The following RABL3 variants were observed in gnomAD, a reference collection of about 807,000 sequenced individuals.
RABL3 encodes RAB, member of RAS oncogene family like 3.
RABL3 carries 31 observed loss-of-function variants against 31.8 expected under a neutral mutation model. The observed-to-expected ratio is 0.97, with a 90% CI of 0.73 to 1.31. The LOEUF is 1.31. RABL3 is among the 40% of genes most tolerant of loss of function. RABL3 has a pLI of 0.00. For synonymous variants in RABL3, 97 were observed against 99.9 expected, an observed-to-expected ratio of 0.97 and a Z score of 0.18; for missense variants, 263 against 279.6, an observed-to-expected ratio of 0.94 and a Z score of 0.42.
At position 120,730,089 on chromosome 3, in the gene RABL3, A is replaced by G. The variant is rs1431610580; in HGVS notation, c.138+607T>C. Among the ~76,000 whole-genome samples the G allele has an allele frequency of 2.0e-5, 3 of 152,242 alleles. No individual in the cohort carries two copies. In the East Asian group the frequency reaches 5.8e-4, roughly 29 times the overall value. On this transcript the variant is annotated intron_variant, in intron 2 of 7. Transcript: ENST00000273375. ...ATGTAAATCAGAGCTATGGAACAATAGCTTCAAAGAACAGAAGGAAAATAA... is the reference window on the plus strand; with the variant it reads ...ATGTAAATCAGAGCTATGGAACAATGGCTTCAAAGAACAGAAGGAAAATAA...
intron 6 of RABL3, among the ~76,000 whole-genome samples, chr3:120,692,275 T>C (rs1373157193): frequency 6.6e-6 from 1 of 152,046 alleles, no homozygotes; most frequent in Non-Finnish European, 1.5e-5. Context: ...CTCGGCTCAC[T>C]GCAAGCTCCA....
chr3:120,734,852 A>G (rs1708935664), intron 1 of RABL3, among the ~76,000 whole-genome samples: 1 of 152,132 alleles, frequency 6.6e-6, no homozygotes, highest in Non-Finnish European at 1.5e-5. Context: ...ATATTTATTG[A>G]TTTGCACATG....
At chr3:120,704,023 A>C (rs1708522051) in intron 4 of RABL3, among the ~76,000 whole-genome samples, 1 of 152,214 alleles carries the variant, frequency 6.6e-6, no homozygotes, top group East Asian at 1.9e-4. Context: ...TCCAAAAAAT[A>C]GAAGAGGAAG....
Position 120,726,982 on chromosome 3 carries a change from T to C in RABL3, c.138+3714A>G, listed in dbSNP as rs754504808. On this transcript the variant is annotated intron_variant, in intron 2 of 7. Transcript: ENST00000273375. ...AAAAATTGCAATGGAAACTAGACAATAGTTTGAACTGAATAATAATGAAAA... is the reference window on the plus strand; with the variant it reads ...AAAAATTGCAATGGAAACTAGACAACAGTTTGAACTGAATAATAATGAAAA... 6.1e-4 allele frequency among the ~76,000 whole-genome samples: 92 copies of C among 151,884 alleles called. 1 individual carries two copies. Among genetic ancestry groups the C allele is most frequent in the Non-Finnish European group, 1.1e-3 (77 of 67,942 alleles).
At chr3:120,716,086 C>T (rs1708665130) in intron 2 of RABL3, among the ~76,000 whole-genome samples, 1 of 152,016 alleles carries the variant, frequency 6.6e-6, no homozygotes, top group Non-Finnish European at 1.5e-5. Context: ...TTAGGCTGTC[C>T]AAAGAGGAAT....
At chr3:120,740,110 T>A (rs965403308) in intron 1 of RABL3, among the ~76,000 whole-genome samples, 1 of 152,182 alleles carries the variant, frequency 6.6e-6, no homozygotes, top group Non-Finnish European at 1.5e-5. Context: ...AAATGTCAGC[T>A]CCAAATACAG....
intron 1 of RABL3, among the ~76,000 whole-genome samples, chr3:120,735,317 T>C (rs1246962713): frequency 2.6e-5 from 4 of 152,146 alleles, no homozygotes; most frequent in South Asian, 2.1e-4. Context: ...TCTAGATTTT[T>C]TAGTTTATTT....
chr3:120,712,731 T>C (rs947103006), intron 2 of RABL3, among the ~76,000 whole-genome samples: 1 of 152,224 alleles, frequency 6.6e-6, no homozygotes, highest in Non-Finnish European at 1.5e-5. Flanking sequence ...GAAAATAGCA[T>C]AATATCTAGC....
At chr3:120,709,078 A>G (rs1357847857) in intron 3 of RABL3, among the ~76,000 whole-genome samples, 3 of 152,080 alleles carry the variant, frequency 2.0e-5, no homozygotes, top group African/African-American at 7.2e-5. Context: ...CCTTTGGTAT[A>G]TTAATCAAAC....
chr3:120,715,295 T>C (rs537064649), intron 2 of RABL3, among the ~76,000 whole-genome samples: 30 of 152,304 alleles, frequency 2.0e-4, no homozygotes, highest in African/African-American at 7.0e-4. Context: ...TCCCAGCACA[T>C]TTGGAGTCTG....
intron 1 of RABL3, among the ~76,000 whole-genome samples, chr3:120,736,198 C>T (rs547677318): frequency 6.6e-5 from 10 of 152,220 alleles, no homozygotes; most frequent in African/African-American, 2.4e-4. Flanking sequence ...TGTAGGTCTC[C>T]AAGGACTTGC....
intron 2 of RABL3, among the ~76,000 whole-genome samples, chr3:120,726,755 TTAAA>T (rs548316065): frequency 1.3e-5 from 2 of 150,862 alleles, no homozygotes; most frequent in African/African-American, 2.4e-5. Context: ...AAAAAATAAA[TTAAA>T]TAAATAAATA....
chr3:120,719,980 G>A (rs1238077630), intron 2 of RABL3, among the ~76,000 whole-genome samples: 2 of 152,150 alleles, frequency 1.3e-5, no homozygotes, highest in Non-Finnish European at 2.9e-5. Flanking sequence ...ACTCCTCTGA[G>A]ACAAAACTTC....
At chr3:120,693,042 A>C (rs1316778742) in intron 6 of RABL3, among the ~76,000 whole-genome samples, 1 of 152,188 alleles carries the variant, frequency 6.6e-6, no homozygotes, top group African/African-American at 2.4e-5. Flanking sequence ...CACACGTAGA[A>C]AATGCTAATA....
chr3:120,717,758 C>T (rs1024636384), intron 2 of RABL3, among the ~76,000 whole-genome samples: 15 of 152,180 alleles, frequency 9.9e-5, no homozygotes, highest in East Asian at 3.9e-4. Context: ...CGTGACCCAC[C>T]GCACCCAGTC....
At position 120,694,147 on chromosome 3, in the gene RABL3, C is replaced by T. The variant is rs1186137585; in HGVS notation, c.606+6G>A. On this transcript the variant is annotated splice_donor_region_variant and intron_variant, in intron 6 of 7. Transcript: ENST00000273375. ...AGTTTAAAAATAACTTAATTGAAACCATTACCTTATCAAAAAACCTACTGA... is the reference window on the plus strand; with the variant it reads ...AGTTTAAAAATAACTTAATTGAAACTATTACCTTATCAAAAAACCTACTGA... 16 of 1,583,616 alleles carry T rather than the reference C, an allele frequency of 1.0e-5. No homozygotes were observed. The highest frequency in any genetic ancestry group is 1.7e-5 in the Admixed American group (1 of 59,424).
rs1708318540 is a variant in RABL3 at position 120,687,149 on chromosome 3, G to C, written c.*2674C>G. 6.6e-6 allele frequency: 1 copy of C among 152,112 alleles called. No homozygotes were observed. Among genetic ancestry groups the C allele is most frequent in the Admixed American group, 6.5e-5 (1 of 15,280 alleles). 9.4% of individuals were successfully genotyped at this position (152,112 alleles called of 1,614,324 possible). A position where few individuals can be genotyped will look rare whatever the true frequency, so the allele number is the denominator to read the frequency against. On this transcript the variant is annotated 3_prime_UTR_variant, in exon 8 of 8. Coordinates refer to ENST00000273375, the MANE Select transcript of RABL3 (RefSeq NM_173825.5). ...CCAGCTAAGTCTTATACACCTAAGGGACAGAGGAGTAGTCATATATATGCC... is the reference window on the plus strand; with the variant it reads ...CCAGCTAAGTCTTATACACCTAAGGCACAGAGGAGTAGTCATATATATGCC...
At chr3:120,742,298 T>C (rs1421048671) in intron 1 of RABL3, among the ~76,000 whole-genome samples, 164 bp downstream of exon 1, 2 of 151,960 alleles carry the variant, frequency 1.3e-5, no homozygotes, top group African/African-American at 4.8e-5. Context: ...CGCCACCGCG[T>C]CGTCACACGG....
intron 1 of RABL3, among the ~76,000 whole-genome samples, chr3:120,735,279 G>A (rs1708943097): frequency 6.6e-6 from 1 of 152,160 alleles, no homozygotes; most frequent in South Asian, 2.1e-4. Context: ...TTGGGAGGGT[G>A]TATGTGTCCA....
Sources: gnomAD v4.1 joint callset for allele counts (sites outside exome capture counted in the v4.1 genomes callset) on GRCh38, gnomAD v4.1.1 for gene constraint, MANE v1.5 for transcripts, NCBI Gene and HGNC (gene_info 2026-07-23, HGNC 2026-07-21) for gene names.